The following CACNA2D1 variants were observed in gnomAD, a reference collection of about 807,000 sequenced individuals.
CACNA2D1 encodes voltage-dependent calcium channel subunit alpha-2/delta-1.
Under a neutral mutation model 171.5 loss-of-function variants are expected in CACNA2D1, and 53 were observed. That is an observed-to-expected ratio of 0.31 (90% CI 0.25 to 0.39). The LOEUF is 0.39. Among genes scored for constraint, CACNA2D1 ranks in the 10% least tolerant of loss-of-function variants. The probability of loss-of-function intolerance (pLI) is 1.00; values close to 1 mark genes in which losing one functional copy is unlikely to be tolerated. For synonymous variants in CACNA2D1, 442 were observed against 443.1 expected (o/e 1.00, Z 0.03); for missense variants, 903 against 1,299.8 (o/e 0.69, Z 4.69).
intron 3 of CACNA2D1, among the ~76,000 whole-genome samples, chr7:82,283,038 G>A (rs1004836044): frequency 3.3e-5 from 5 of 151,974 alleles, no homozygotes; most frequent in Admixed American, 6.5e-5. Flanking sequence ...CATCTGAATC[G>A]AGAGACAGAT....
chr7:82,372,278 C>G (rs1822500104), intron 1 of CACNA2D1, among the ~76,000 whole-genome samples: 1 of 152,058 alleles, frequency 6.6e-6, no homozygotes, highest in Non-Finnish European at 1.5e-5. Flanking sequence ...GCTTAATTAA[C>G]TTACATATAA....
chr7:82,175,618 A>G (rs925781413), intron 3 of CACNA2D1, among the ~76,000 whole-genome samples: 1 of 152,076 alleles, frequency 6.6e-6, no homozygotes, highest in Non-Finnish European at 1.5e-5. Context: ...GTTCGAAAGA[A>G]AAGCCTACAG....
At chr7:81,984,246 A>G (rs1796731221) in intron 22 of CACNA2D1, among the ~76,000 whole-genome samples, 1 of 152,204 alleles carries the variant, frequency 6.6e-6, no homozygotes, top group Non-Finnish European at 1.5e-5. Flanking sequence ...AAATAAAAGG[A>G]AAGAAAAGGA....
chr7:82,118,741 TGG>T (rs1174092121), intron 5 of CACNA2D1, among the ~76,000 whole-genome samples: 73 of 152,188 alleles, frequency 4.8e-4, no homozygotes, highest in African/African-American at 1.7e-3. Flanking sequence ...ACCATATAAA[TGG>T]CTTTTAGAAA....
intron 3 of CACNA2D1, among the ~76,000 whole-genome samples, chr7:82,247,271 A>T (rs923476951): frequency 2.0e-5 from 3 of 152,180 alleles, no homozygotes; most frequent in African/African-American, 7.2e-5. Flanking sequence ...GCACTTTGGG[A>T]GGCTGAGGCG....
chr7:82,227,860 G>A (rs913679639), intron 3 of CACNA2D1, among the ~76,000 whole-genome samples: 10 of 151,852 alleles, frequency 6.6e-5, no homozygotes, highest in Admixed American at 6.6e-4. Flanking sequence ...ATAAATAAAG[G>A]CTTTATATAT....
chr7:82,242,538 G>A, intron 3 of CACNA2D1, among the ~76,000 whole-genome samples: 1 of 152,090 alleles, frequency 6.6e-6, no homozygotes, highest in East Asian at 1.9e-4. Context: ...AAGATTTTCT[G>A]GCTGCACATT....
At chr7:82,274,231 T>TGACCACCAA (rs1809026583) in intron 3 of CACNA2D1, among the ~76,000 whole-genome samples, 1 of 152,090 alleles carries the variant, frequency 6.6e-6, no homozygotes, top group African/African-American at 2.4e-5. Flanking sequence ...TCACTGAGAG[T>TGACCACCAA]ATCTTTTGAC....
chr7:82,057,545 C>A (rs755701478), intron 10 of CACNA2D1, among the ~76,000 whole-genome samples: 2 of 138,756 alleles, frequency 1.4e-5, no homozygotes, highest in Non-Finnish European at 3.1e-5. Flanking sequence ...TGCTTCAATT[C>A]TCATGCCAGT....
rs1425564960 is a variant in CACNA2D1 at position 82,333,538 on chromosome 7, A to C, written c.294+1597T>G. On this transcript the variant is annotated intron_variant, in intron 3 of 38. Transcript: ENST00000356860. ...GAATTCCCCTTTATAAAACCATCAG[A>C]TCTCATGAGACTTACTATTACGGGA... Among the ~76,000 whole-genome samples, 4 of 152,060 alleles carry C rather than the reference A, an allele frequency of 2.6e-5. No individual in the cohort carries two copies. In the East Asian group the frequency reaches 5.8e-4, roughly 22 times the overall value.
chr7:82,029,344 T>G (rs965600598), intron 12 of CACNA2D1: 2 of 151,734 alleles, frequency 1.3e-5, no homozygotes, highest in African/African-American at 4.8e-5. Context: ...ATAGTAAACA[T>G]AACTTTTATA....
chr7:82,309,888 C>A (rs1216107591), intron 3 of CACNA2D1, among the ~76,000 whole-genome samples: 3 of 152,084 alleles, frequency 2.0e-5, no homozygotes, highest in Admixed American at 2.0e-4. Flanking sequence ...GGAAGACATT[C>A]GCAAGGGTAC....
intron 3 of CACNA2D1, among the ~76,000 whole-genome samples, chr7:82,282,417 C>A (rs956578321): frequency 1.3e-5 from 2 of 152,106 alleles, no homozygotes; most frequent in African/African-American, 2.4e-5. Flanking sequence ...ATGCTCCCAA[C>A]AAGTTCCAGG....
chr7:82,075,422 C>A (rs1361761145), intron 7 of CACNA2D1, among the ~76,000 whole-genome samples: 3 of 152,138 alleles, frequency 2.0e-5, no homozygotes, highest in African/African-American at 7.2e-5. Flanking sequence ...TCCCATAATG[C>A]AGTCATTAAG....
At chr7:82,211,151 C>G (rs1424702172) in intron 3 of CACNA2D1, among the ~76,000 whole-genome samples, 1 of 152,096 alleles carries the variant, frequency 6.6e-6, no homozygotes, top group Non-Finnish European at 1.5e-5. Flanking sequence ...CTAGAACACT[C>G]TCAATCAATT....
chr7:82,102,810 T>C (rs1812843204), intron 6 of CACNA2D1, among the ~76,000 whole-genome samples: 1 of 152,176 alleles, frequency 6.6e-6, no homozygotes, highest in South Asian at 2.1e-4. Flanking sequence ...ACCACCCTGC[T>C]GCAGGTTAGA....
chr7:82,257,981 T>C (rs1197919599), intron 3 of CACNA2D1, among the ~76,000 whole-genome samples: 5 of 152,040 alleles, frequency 3.3e-5, no homozygotes, highest in Admixed American at 6.6e-5. Flanking sequence ...GAAGCAGTGA[T>C]TGCTGGTGGA....
At chr7:81,990,076 A>AG (rs1448589359) in intron 21 of CACNA2D1, among the ~76,000 whole-genome samples, 1 of 146,782 alleles carries the variant, frequency 6.8e-6, no homozygotes, top group African/African-American at 2.4e-5. Flanking sequence ...TGACTAAGGT[A>AG]GGGGGGTGAC....
intron 3 of CACNA2D1, among the ~76,000 whole-genome samples, chr7:82,333,965 T>C (rs1817685735): frequency 6.6e-6 from 1 of 152,136 alleles, no homozygotes; most frequent in African/African-American, 2.4e-5. Context: ...AAGTTGACTT[T>C]GCAATAAAAT....
Sources: allele counts gnomAD v4.1 joint callset (sites outside exome capture counted in the v4.1 genomes callset), GRCh38; gene constraint gnomAD v4.1.1; transcripts MANE v1.5; gene names NCBI Gene and HGNC (gene_info 2026-07-23, HGNC 2026-07-21).